KCNH1: variants seen among roughly 807,000 people sequenced by gnomAD.
KCNH1 encodes the protein voltage-gated delayed rectifier potassium channel KCNH1.
A neutral mutation model predicts 69.2 loss-of-function variants in KCNH1; 27 were observed. That is an observed-to-expected ratio of 0.39 (90% CI 0.29 to 0.54). The LOEUF (loss-of-function observed/expected upper bound fraction) is 0.54. KCNH1 is among the 20% of genes least tolerant of loss of function. The pLI, the probability that KCNH1 is intolerant of heterozygous loss-of-function variation, is 0.68. For missense variants in KCNH1, 798 were observed against 1,261.6 expected, an observed-to-expected ratio of 0.63 and a Z score of 5.57; for synonymous variants, 456 against 487.7, an observed-to-expected ratio of 0.93 and a Z score of 0.86.
chr1:211,008,308 T>C (rs1422622799), intron 6 of KCNH1, among the ~76,000 whole-genome samples: 4 of 152,182 alleles, frequency 2.6e-5, no homozygotes, highest in African/African-American at 9.7e-5. Flanking sequence ...AGGACAAATA[T>C]GGTAGAATTC....
At chr1:211,132,243 A>G (rs1691888978) in intron 1 of KCNH1, among the ~76,000 whole-genome samples, 1 of 152,230 alleles carries the variant, frequency 6.6e-6, no homozygotes, top group Non-Finnish European at 1.5e-5. Flanking sequence ...GATTGTCTCC[A>G]TACCCCTTAA....
chr1:211,000,856 C>T (rs1311532167), intron 6 of KCNH1, among the ~76,000 whole-genome samples: 1 of 152,068 alleles, frequency 6.6e-6, no homozygotes, highest in East Asian at 1.9e-4. Flanking sequence ...AGAAATAATA[C>T]CACAAATCTA....
At chr1:210,726,988 T>A (rs1682613245) in intron 10 of KCNH1, among the ~76,000 whole-genome samples, 1 of 152,152 alleles carries the variant, frequency 6.6e-6, no homozygotes, top group Admixed American at 6.5e-5. Flanking sequence ...CATCCCTTTG[T>A]CACCACTCTC....
Position 210,820,357 on chromosome 1 carries a change from C to T in KCNH1, c.1463-16191G>A, listed in dbSNP as rs140977522. On this transcript the variant is annotated intron_variant, in intron 7 of 10. Transcript: ENST00000271751. ...TACAGGGTAGAAGGAACTTTGTGGC[C>T]GGGTGCGGTGGGTCATGTCTGTAAT... Among the ~76,000 whole-genome samples the T allele has an allele frequency of 2.6e-4, 39 of 152,104 alleles. No individual in the cohort carries two copies. In the East Asian group the frequency reaches 5.8e-3, roughly 23 times the overall value.
At chr1:211,069,442 G>C (rs1275983665) in intron 5 of KCNH1, among the ~76,000 whole-genome samples, 5 of 151,992 alleles carry the variant, frequency 3.3e-5, no homozygotes, top group Non-Finnish European at 5.9e-5. Flanking sequence ...CAGGGATGTT[G>C]GAATTATCAG....
At chr1:210,770,440 G>A (rs1437032267) in intron 10 of KCNH1, among the ~76,000 whole-genome samples, 1 of 152,234 alleles carries the variant, frequency 6.6e-6, no homozygotes, top group Non-Finnish European at 1.5e-5. Flanking sequence ...AGGAAACTGA[G>A]GCTCTGAATG....
At chr1:210,779,521 C>A (rs1298123879) in intron 9 of KCNH1, among the ~76,000 whole-genome samples, 1 of 152,218 alleles carries the variant, frequency 6.6e-6, no homozygotes, top group East Asian at 1.9e-4. Flanking sequence ...ACAAGCACTA[C>A]ACCCACATTT....
At chr1:210,900,841 CCTT>C (rs1268849355) in intron 7 of KCNH1, among the ~76,000 whole-genome samples, 1 of 152,144 alleles carries the variant, frequency 6.6e-6, no homozygotes, top group Non-Finnish European at 1.5e-5. Flanking sequence ...TTCCCATCCT[CCTT>C]CTCCTCAACC....
intron 3 of KCNH1, among the ~76,000 whole-genome samples, chr1:211,095,590 CT>C (rs917202015): frequency 1.3e-5 from 2 of 152,188 alleles, no homozygotes; most frequent in African/African-American, 4.8e-5. Flanking sequence ...CTCCATCAAT[CT>C]TTTTTCTACC....
chr1:210,756,567 T>A (rs754414249), intron 10 of KCNH1, among the ~76,000 whole-genome samples: 49 of 152,224 alleles, frequency 3.2e-4, no homozygotes, highest in Non-Finnish European at 6.5e-4. Context: ...GAAAATACAC[T>A]GGCCTTTGCT....
chr1:210,963,012 C>T (rs1037352802), intron 6 of KCNH1, among the ~76,000 whole-genome samples: 2 of 151,358 alleles, frequency 1.3e-5, no homozygotes, highest in Non-Finnish European at 2.9e-5. Context: ...GGGTTCTTTG[C>T]CATTTTCTTA....
chr1:210,976,470 T>C (rs2102372822), intron 6 of KCNH1, among the ~76,000 whole-genome samples: 1 of 146,306 alleles, frequency 6.8e-6, no homozygotes, highest in African/African-American at 2.5e-5. Context: ...CTGGAGAGGA[T>C]GTGGAGAAAT....
intron 5 of KCNH1, among the ~76,000 whole-genome samples, chr1:211,064,418 C>T (rs767496832): frequency 3.3e-5 from 5 of 151,880 alleles, no homozygotes; most frequent in South Asian, 2.1e-4. Flanking sequence ...AAAAATTGCC[C>T]GGCGTGGTGG....
intron 3 of KCNH1, among the ~76,000 whole-genome samples, chr1:211,098,321 G>GA (rs61005709): frequency 0.47 from 60,709 of 127,982 alleles, 14,107 homozygotes; most frequent in Non-Finnish European, 0.55. Context: ...ACCCTGTCTT[G>GA]AAAAAAAAAA....
At chr1:210,730,223 G>A (rs891533202) in intron 10 of KCNH1, among the ~76,000 whole-genome samples, 3 of 152,158 alleles carry the variant, frequency 2.0e-5, no homozygotes, top group African/African-American at 7.2e-5. Context: ...TCTCAAAGCT[G>A]CCGGCAGGAA....
chr1:211,048,895 C>T (rs1334204996), intron 5 of KCNH1, among the ~76,000 whole-genome samples: 1 of 152,082 alleles, frequency 6.6e-6, no homozygotes. Flanking sequence ...TCAGGAGATT[C>T]CGGATGAGAA....
At position 210,916,033 on chromosome 1, in the gene KCNH1, G is replaced by C. The variant is rs1485538659; in HGVS notation, c.1462+3607C>G. Reference sequence around the variant, plus strand: ...GACTACCAGAGTGACCTGGTAGTCAGGGAGGGAGACAACACCGAGCCTTTG... The same window carrying C: ...GACTACCAGAGTGACCTGGTAGTCACGGAGGGAGACAACACCGAGCCTTTG... On this transcript the variant is annotated intron_variant, in intron 7 of 10. Transcript: ENST00000271751. Among the ~76,000 whole-genome samples the C allele has an allele frequency of 2.0e-5, 3 of 152,100 alleles. No individual in the cohort carries two copies. The East Asian group carries it at 5.8e-4, about 29-fold the overall frequency.
intron 7 of KCNH1, among the ~76,000 whole-genome samples, chr1:210,901,727 A>G (rs558860398): frequency 6.6e-6 from 1 of 152,346 alleles, no homozygotes; most frequent in Admixed American, 6.5e-5. Flanking sequence ...TAAGAAAGTT[A>G]GGAGGAAGAG....
intron 6 of KCNH1, among the ~76,000 whole-genome samples, chr1:210,974,882 G>C (rs950609737): frequency 2.0e-5 from 3 of 151,836 alleles, no homozygotes; most frequent in South Asian, 2.1e-4. Flanking sequence ...TACTTTAAGA[G>C]TTTGTGCTAT....
Sources: gnomAD v4.1 joint callset for allele counts (sites outside exome capture counted in the v4.1 genomes callset) on GRCh38, gnomAD v4.1.1 for gene constraint, MANE v1.5 for transcripts, NCBI Gene and HGNC (gene_info 2026-07-23, HGNC 2026-07-21) for gene names.